Variants in ABR observed in about 807,000 individuals in gnomAD.
The protein encoded by ABR is active breakpoint cluster region-related protein.
ABR carries 35 observed loss-of-function variants against 107.2 expected under a neutral mutation model. That is an observed-to-expected ratio of 0.33 (90% CI 0.25 to 0.43). The LOEUF (loss-of-function observed/expected upper bound fraction) is 0.43. ABR is among the 20% of genes least tolerant of loss of function. The pLI is 1.00. For synonymous variants in ABR, 498 were observed against 462.0 expected, an observed-to-expected ratio of 1.08 and a Z score of -1.00; for missense variants, 815 against 1,115.2, an observed-to-expected ratio of 0.73 and a Z score of 3.83.
chr17:1,217,729 C>T (rs2043040963), intron 1 of ABR, among the ~76,000 whole-genome samples: 1 of 152,178 alleles, frequency 6.6e-6, no homozygotes, highest in Non-Finnish European at 1.5e-5. Context: ...GAGTCTTGCT[C>T]TGTGGCCCAG....
chr17:1,108,063 G>C (rs996470446), intron 2 of ABR, among the ~76,000 whole-genome samples: 19 of 149,182 alleles, frequency 1.3e-4, no homozygotes, highest in Non-Finnish European at 2.6e-4. Context: ...ATGGGCACTC[G>C]GTTAGGCAGC....
chr17:1,199,220 G>A (rs2042627015), intron 1 of ABR, among the ~76,000 whole-genome samples: 1 of 150,816 alleles, frequency 6.6e-6, no homozygotes, highest in Non-Finnish European at 1.5e-5. Flanking sequence ...CTCTGCAGGT[G>A]CCAGGGAAGA....
intron 16 of ABR, chr17:1,031,828 C>T: frequency 5.7e-6 from 7 of 1,226,358 alleles, no homozygotes; most frequent in Non-Finnish European, 7.1e-6. Context: ...TCCCTAGTCC[C>T]GCCGGCTTTC....
In ABR at chr17:1,003,691, T is replaced by TATC. The variant is rs1323863101; in HGVS notation, c.*2386_*2388dup. 6.6e-6 allele frequency: 1 copy of TATC among 152,468 alleles called. No individual in the cohort carries two copies. The highest frequency in any genetic ancestry group is 1.5e-5 in the Non-Finnish European group (1 of 68,044). 9.4% of individuals were successfully genotyped at this position (152,468 alleles called of 1,614,324 possible). On this transcript the variant is annotated 3_prime_UTR_variant, in exon 23 of 23. Coordinates refer to ENST00000302538, the MANE Select transcript of ABR (RefSeq NM_021962.5). ...CATGAAGGGTCCCATCCTACCTGTG[T>TATC]ATCAGCAGAAACTGGCAGCCATCAG...
intron 2 of ABR, among the ~76,000 whole-genome samples, chr17:1,114,288 GGT>G (rs2038879608): frequency 1.3e-5 from 2 of 151,518 alleles, no homozygotes; most frequent in African/African-American, 4.9e-5. Flanking sequence ...TGGTCTACGT[GGT>G]AAAACCCTGT....
chr17:1,139,891 C>T (rs1016742169), intron 1 of ABR, among the ~76,000 whole-genome samples: 7 of 152,146 alleles, frequency 4.6e-5, no homozygotes, highest in African/African-American at 1.2e-4. Context: ...GGTCCATTTG[C>T]GGCAGGGTAT....
Position 1,011,766 on chromosome 17 carries a change from T to C in ABR, c.2101+80A>G. The C allele has an allele frequency of 2.0e-6, 3 of 1,473,008 alleles. No individual in the cohort carries two copies. The highest frequency in any genetic ancestry group is 2.7e-6 in the Non-Finnish European group (3 of 1,107,930). 91.2% of individuals were successfully genotyped at this position (1,473,008 alleles called of 1,614,324 possible). ...GCCTCCTCTCCAGGGAGGCTCCTGGTTCCCCCGAGCTCTCCTGTCCATCCC... is the reference window on the plus strand; with the variant it reads ...GCCTCCTCTCCAGGGAGGCTCCTGGCTCCCCCGAGCTCTCCTGTCCATCCC... On this transcript the variant is annotated intron_variant, in intron 19 of 22. Coordinates refer to ENST00000302538, the MANE Select transcript of ABR (RefSeq NM_021962.5). The surrounding 1 kb of genome is among the most constrained non-coding windows in gnomAD (Gnocchi z 4.8).
At chr17:1,106,278 A>T (rs1383953095) in intron 2 of ABR, among the ~76,000 whole-genome samples, 1 of 152,174 alleles carries the variant, frequency 6.6e-6, no homozygotes, top group Non-Finnish European at 1.5e-5. Context: ...CTCACAACGC[A>T]ACTGCTGCTT....
intron 16 of ABR, among the ~76,000 whole-genome samples, chr17:1,026,624 A>G (rs976438318): frequency 3.3e-5 from 5 of 152,082 alleles, no homozygotes; most frequent in African/African-American, 1.2e-4. Flanking sequence ...CCAAGGGTCT[A>G]CGGCTCACTG....
rs925920794 is a variant in ABR, at chr17:1,018,042, T to C, written c.1792-4878A>G. Among the ~76,000 whole-genome samples, 18 of 151,720 alleles carry C rather than the reference T, an allele frequency of 1.2e-4. No homozygotes were observed. In the East Asian group the frequency reaches 3.3e-3, roughly 28 times the overall value. On this transcript the variant is annotated intron_variant, in intron 16 of 22. Transcript: ENST00000302538. ...TACCACTGTGTGGGCCCTTATTTTT[T>C]ATTTATTTATTTATTTTTGAGACGG...
intron 1 of ABR, among the ~76,000 whole-genome samples, chr17:1,228,545 G>T (rs1295343723): frequency 6.6e-6 from 1 of 152,230 alleles, no homozygotes; most frequent in Non-Finnish European, 1.5e-5. Context: ...AGGCCCGGGC[G>T]CCGGCCCTGC....
chr17:1,089,171 C>G (rs1002155228), intron 4 of ABR, among the ~76,000 whole-genome samples: 6 of 152,054 alleles, frequency 3.9e-5, no homozygotes, highest in Non-Finnish European at 7.4e-5. Flanking sequence ...GCTGGGATTA[C>G]AGGCGTGAGC....
At chr17:1,121,143 G>C (rs1037597046) in intron 2 of ABR, among the ~76,000 whole-genome samples, 1 of 152,222 alleles carries the variant, frequency 6.6e-6, no homozygotes, top group Non-Finnish European at 1.5e-5. Context: ...CAGGGCTTCA[G>C]GTTTCACCCT....
rs76476832 is a variant in ABR at position 1,124,806 on chromosome 17, C to T, written c.246+377G>A. Among the ~76,000 whole-genome samples the T allele has an allele frequency of 5.3e-5, 8 of 152,264 alleles. No individual in the cohort carries two copies. In the South Asian group the frequency reaches 6.2e-4, roughly 12 times the overall value. On this transcript the variant is annotated intron_variant, in intron 2 of 22. Transcript: ENST00000302538. ...GCAGCATCTGAACACCTGGAGCCCA[C>T]GGGCCACGCATGCAGCCACTGCCTG...
At chr17:1,184,433 G>A (rs2042229536), upstream of ABR, among the ~76,000 whole-genome samples, 2 of 151,814 alleles carry the variant, frequency 1.3e-5, no homozygotes, top group Admixed American at 1.3e-4. Flanking sequence ...CCAGCCTGGG[G>A]ACAGAGCAAG....
intron 16 of ABR, among the ~76,000 whole-genome samples, chr17:1,045,386 ACAGCAGGACAATCTTCCG>A (rs1567642439): frequency 0.025 from 3,107 of 125,406 alleles, 419 homozygotes; most frequent in East Asian, 0.058. Context: ...CCGTCTTCTT[ACAGCAGGACAATCTTCCG>A]TCTTCTTACA....
intron 16 of ABR, among the ~76,000 whole-genome samples, chr17:1,042,438 TGGACAGGCGGATAAACAGAC>T (rs2030732359): frequency 7.2e-6 from 1 of 139,504 alleles, no homozygotes; most frequent in African/African-American, 2.7e-5. Context: ...CATCCACAGA[TGGACAGGCGGATAAACAGAC>T]GTGGCAGCTA....
rs1328257613 is a variant in ABR, at chr17:1,226,533, G to T, written c.838+2260C>A. ...TGTGTGCATGCATGTATGTGACAGT[G>T]TGCCATGTACATACGTGTGCAGGTG... On this transcript the variant is annotated intron_variant, in intron 1 of 22. Transcript: ENST00000574139. Among the ~76,000 whole-genome samples, 4 of 151,742 alleles carry T rather than the reference G, an allele frequency of 2.6e-5. No individual in the cohort carries two copies. The South Asian group carries it at 6.4e-4, about 24-fold the overall frequency.
At chr17:1,219,541 T>A (rs1298121599) in intron 1 of ABR, among the ~76,000 whole-genome samples, 1 of 145,968 alleles carries the variant, frequency 6.9e-6, no homozygotes, top group African/African-American at 2.6e-5. Flanking sequence ...CATGGCTGGT[T>A]GTATAGCACG....
Sources: gnomAD v4.1 joint callset for allele counts (sites outside exome capture counted in the v4.1 genomes callset) on GRCh38, gnomAD v4.1.1 for gene constraint, Gnocchi (gnomAD v3.1) non-coding constraint, MANE v1.5 for transcripts, NCBI Gene and HGNC (gene_info 2026-07-23, HGNC 2026-07-21) for gene names.